ADAM22: variants seen among roughly 807,000 people sequenced by gnomAD.
ADAM22 encodes the protein ADAM metallopeptidase domain 22.
In ADAM22, 65 loss-of-function variants were observed where a neutral mutation model predicts 144.6. The ratio of observed to expected loss-of-function variants is 0.45; its 90% CI spans 0.37 to 0.55. ADAM22 has a LOEUF of 0.55. Among genes scored for constraint, ADAM22 ranks in the 20% least tolerant of loss-of-function variants. The probability of loss-of-function intolerance (pLI) is 0.00; values close to 1 mark genes in which losing one functional copy is unlikely to be tolerated. For synonymous variants in ADAM22, 391 were observed against 412.6 expected (o/e 0.95, Z 0.63); for missense variants, 974 against 1,184.9 (o/e 0.82, Z 2.61).
chr7:87,994,246 C>G (rs1344833483), intron 3 of ADAM22, among the ~76,000 whole-genome samples: 3 of 151,788 alleles, frequency 2.0e-5, no homozygotes, highest in Non-Finnish European at 4.4e-5. Context: ...ACTGCAAGCT[C>G]CGCCTCCTGG....
At chr7:88,165,062 C>T (rs1842634321) in intron 23 of ADAM22, among the ~76,000 whole-genome samples, 1 of 152,034 alleles carries the variant, frequency 6.6e-6, no homozygotes, top group African/African-American at 2.4e-5. Flanking sequence ...AAGACAGAAA[C>T]CCCTGTAGTA....
chr7:87,960,400 G>C (rs1407699438), intron 2 of ADAM22, among the ~76,000 whole-genome samples: 2 of 150,424 alleles, frequency 1.3e-5, no homozygotes, highest in Non-Finnish European at 3.0e-5. Flanking sequence ...GTGTGTGTCT[G>C]TGTGTGTGTG....
At chr7:88,028,409 A>G (rs967707888) in intron 3 of ADAM22, among the ~76,000 whole-genome samples, 4 of 152,142 alleles carry the variant, frequency 2.6e-5, no homozygotes, top group African/African-American at 7.2e-5. Context: ...TATATGGTCT[A>G]TTCTTGAGAA....
chr7:88,009,138 C>T (rs1189610253), intron 3 of ADAM22, among the ~76,000 whole-genome samples: 1 of 152,022 alleles, frequency 6.6e-6, no homozygotes, highest in African/African-American at 2.4e-5. Flanking sequence ...TATGGCATTT[C>T]AAGTTTTGAG....
At chr7:88,049,009 C>T (rs1805450376) in intron 3 of ADAM22, among the ~76,000 whole-genome samples, 1 of 152,124 alleles carries the variant, frequency 6.6e-6, no homozygotes, top group South Asian at 2.1e-4. Flanking sequence ...GAATTAGTCA[C>T]CCAAATTTTC....
chr7:88,126,937 G>A (rs981106594), intron 8 of ADAM22, among the ~76,000 whole-genome samples: 2 of 151,866 alleles, frequency 1.3e-5, no homozygotes, highest in African/African-American at 4.8e-5. Context: ...GTAGAGCTGG[G>A]ATTCTGACCT....
chr7:88,172,227 CA>C (rs1844500344), intron 26 of ADAM22, among the ~76,000 whole-genome samples: 1 of 151,830 alleles, frequency 6.6e-6, no homozygotes, highest in Non-Finnish European at 1.5e-5. Context: ...AAAAGAGATA[CA>C]AAATGTTCAT....
intron 31 of ADAM22, among the ~76,000 whole-genome samples, chr7:88,195,506 A>AT (rs1554528502): frequency 4.6e-5 from 7 of 151,708 alleles, no homozygotes; most frequent in African/African-American, 7.3e-5. Flanking sequence ...AGAACCTTTT[A>AT]TTTATTTTAT....
chr7:88,054,588 CTG>C (rs58027941), intron 3 of ADAM22, among the ~76,000 whole-genome samples: 16,854 of 131,884 alleles, frequency 0.13, 1,085 homozygotes, highest in African/African-American at 0.18. Flanking sequence ...AGGTGCCCTC[CTG>C]TGTGTGTGTG....
rs778960262 is a variant in ADAM22, at chr7:88,186,618, T to C, written c.2667T>C (p.Tyr889=). 2.2e-5 allele frequency: 35 copies of C among 1,607,062 alleles called. No individual in the cohort carries two copies. Among genetic ancestry groups the C allele is most frequent in the Middle Eastern group, 1.6e-4 (1 of 6,064 alleles). The change falls in exon 30 of 32, where the codon TAT becomes TAC. Residue 889 remains tyrosine (Y), a synonymous_variant. Coordinates refer to ENST00000413139, the MANE Select transcript of ADAM22 (RefSeq NM_001324418.2). ...RFRPRSNSTE[Y]LNPWFKRDYN... ...TTCCTTCCATTGCTTTCTGCAGGTA[T>C]TTAAACCCATGGTTCAAAAGAGACT...
intron 3 of ADAM22, among the ~76,000 whole-genome samples, chr7:88,013,000 A>G (rs1178172035): frequency 1.3e-5 from 2 of 152,192 alleles, no homozygotes; most frequent in Non-Finnish European, 2.9e-5. Flanking sequence ...GGACCAGGGA[A>G]ATCTTCACCA....
intron 22 of ADAM22, among the ~76,000 whole-genome samples, chr7:88,157,421 C>T (rs528668737): frequency 6.6e-6 from 1 of 152,042 alleles, no homozygotes; most frequent in African/African-American, 2.4e-5. Context: ...AGTCAGAAGA[C>T]AATAGAGAAA....
chr7:88,187,531 A>AT (rs569148031), intron 30 of ADAM22, among the ~76,000 whole-genome samples: 208 of 152,312 alleles, frequency 1.4e-3, no homozygotes, highest in African/African-American at 4.9e-3. Context: ...TCGTAATGGC[A>AT]TTTTTTACCC....
intron 3 of ADAM22, among the ~76,000 whole-genome samples, chr7:88,070,006 A>T (rs184256984): frequency 7.9e-5 from 12 of 151,702 alleles, no homozygotes; most frequent in East Asian, 3.9e-4. Flanking sequence ...TTTTTTTTTT[A>T]AAAGAAATGT....
rs187490572 is a variant in ADAM22, at chr7:88,189,475, G to A, written c.2750+2774G>A. Among the ~76,000 whole-genome samples the A allele has an allele frequency of 1.9e-3, 293 of 152,308 alleles. 4 individuals are homozygous for A. Among genetic ancestry groups the A allele is most frequent in the Non-Finnish European group, 3.3e-3 (225 of 68,024 alleles). On this transcript the variant is annotated intron_variant, in intron 30 of 31. Coordinates refer to ENST00000413139, the MANE Select transcript of ADAM22 (RefSeq NM_001324418.2). ...TAAGCATTCTTATTACCTTTCTGTA[G>A]ATGGAGGAAACTGAGGTAGAAAGAG...
rs1851250781 is a variant in ADAM22, at chr7:88,202,211, A to T, written c.*5720A>T. The T allele has an allele frequency of 6.6e-6, 1 of 152,140 alleles. No individual in the cohort carries two copies. Among genetic ancestry groups the T allele is most frequent in the African/African-American group, 2.4e-5 (1 of 41,428 alleles). The allele number at this position is 152,140 out of a possible 1,614,324, so 9.4% of individuals were successfully genotyped here. ...AAATGACTCAACACCTTTGTTTTGTATGGAAAACTTTTTTTTTTACACTAA... is the reference window on the plus strand; with the variant it reads ...AAATGACTCAACACCTTTGTTTTGTTTGGAAAACTTTTTTTTTTACACTAA... On this transcript the variant is annotated 3_prime_UTR_variant, in exon 32 of 32. Transcript: ENST00000413139.
intron 3 of ADAM22, among the ~76,000 whole-genome samples, chr7:88,020,434 A>T (rs933535383): frequency 2.0e-5 from 3 of 152,190 alleles, no homozygotes; most frequent in African/African-American, 7.2e-5. Flanking sequence ...GGGGTTCTCC[A>T]TGCTTGGAGG....
chr7:87,963,254 A>C (rs1304316833), intron 2 of ADAM22, among the ~76,000 whole-genome samples: 5 of 152,106 alleles, frequency 3.3e-5, no homozygotes, highest in Admixed American at 6.6e-5. Flanking sequence ...CCTTCAGGGA[A>C]AGTTTCAGTC....
intron 3 of ADAM22, among the ~76,000 whole-genome samples, chr7:88,004,447 A>G (rs971631965): frequency 9.2e-5 from 14 of 152,236 alleles, no homozygotes; most frequent in African/African-American, 3.1e-4. Flanking sequence ...AGAACACTAC[A>G]TTATAAACTA....
Sources: gnomAD v4.1 joint callset for allele counts (sites outside exome capture counted in the v4.1 genomes callset) on GRCh38, gnomAD v4.1.1 for gene constraint, MANE v1.5 for transcripts, NCBI Gene and HGNC (gene_info 2026-07-23, HGNC 2026-07-21) for gene names.